The following CFAP74 variants were observed in gnomAD, a reference collection of about 807,000 sequenced individuals.
CFAP74 encodes cilia and flagella associated protein 74.
Under a neutral mutation model 188.9 loss-of-function variants are expected in CFAP74, and 124 were observed. That is an observed-to-expected ratio of 0.66 (90% confidence interval 0.57 to 0.76). The LOEUF (loss-of-function observed/expected upper bound fraction) is 0.76, where lower values mean the gene tolerates loss of function less well. Ranked by LOEUF, CFAP74 falls within the 30% of genes least tolerant of loss-of-function variation. The pLI is 0.00. For missense variants in CFAP74, 2,198 were observed against 2,165.2 expected (o/e 1.02, Z -0.30); for synonymous variants, 956 against 916.7 (o/e 1.04, Z -0.77).
At chr1:1,979,224 C>T (rs577916097) in intron 6 of CFAP74, among the ~76,000 whole-genome samples, 12 of 98,168 alleles carry the variant, frequency 1.2e-4, no homozygotes, top group African/African-American at 3.6e-4. Context: ...CGTCATGTGA[C>T]GAGGCTGCAC....
intron 6 of CFAP74, among the ~76,000 whole-genome samples, chr1:1,979,737 G>A (rs140379285): frequency 3.2e-5 from 3 of 94,672 alleles, no homozygotes; most frequent in Non-Finnish European, 4.8e-5. Flanking sequence ...GTGGGAAGGC[G>A]TCACGTGACG....
chr1:1,927,270 C>T lies in CFAP74; in HGVS notation c.3528-242G>A, dbSNP rs1570818304. Reference sequence around the variant, plus strand: ...TAGGGGTTGGGGCAGGTGCCTTTGGCCCCTGGCTAGAGAGCCATGTTCCTT... The same window carrying T: ...TAGGGGTTGGGGCAGGTGCCTTTGGTCCCTGGCTAGAGAGCCATGTTCCTT... On this transcript the variant is annotated intron_variant, in intron 28 of 38. Transcript: ENST00000682832. 8.4e-6 allele frequency: 5 copies of T among 592,816 alleles called. No homozygotes were observed. In the East Asian group the frequency reaches 1.1e-4, roughly 13 times the overall value. 36.7% of individuals were successfully genotyped at this position (592,816 alleles called of 1,614,324 possible).
At chr1:1,991,990 A>G (rs1177751055) in intron 1 of CFAP74, among the ~76,000 whole-genome samples, 1 of 151,106 alleles carries the variant, frequency 6.6e-6, no homozygotes, top group Non-Finnish European at 1.5e-5. Context: ...CAGTGAGCCG[A>G]GATCGCGCCA....
At chr1:1,952,694 C>T (rs1342659932) in intron 18 of CFAP74, among the ~76,000 whole-genome samples, 8 of 151,832 alleles carry the variant, frequency 5.3e-5, no homozygotes, top group African/African-American at 1.7e-4. Context: ...GGGTCTCTGT[C>T]GCCCAGGCTG....
chr1:1,930,807 C>G (rs921266472), intron 25 of CFAP74, among the ~76,000 whole-genome samples: 1 of 152,162 alleles, frequency 6.6e-6, no homozygotes, highest in South Asian at 2.1e-4. Context: ...TATTTATTGA[C>G]GTTTTAAAAA....
intron 18 of CFAP74, among the ~76,000 whole-genome samples, chr1:1,951,201 G>A (rs1654182111): frequency 6.6e-6 from 1 of 152,164 alleles, no homozygotes; most frequent in South Asian, 2.1e-4. Flanking sequence ...AGAGAGGTGA[G>A]AGCATGTTTA....
intron 21 of CFAP74, among the ~76,000 whole-genome samples, chr1:1,943,321 C>G (rs917153410): frequency 6.6e-6 from 1 of 152,242 alleles, no homozygotes; most frequent in South Asian, 2.1e-4. Flanking sequence ...CGCCAACACA[C>G]GCAGCTGGCT....
intron 14 of CFAP74, 159 bp from the exon 15 acceptor site, chr1:1,960,189 G>C: frequency 3.1e-6 from 2 of 637,404 alleles, no homozygotes; most frequent in Non-Finnish European, 5.4e-6. Flanking sequence ...TGCTGGATCT[G>C]CTGCATTCCC....
At chr1:1,925,655 A>AG (rs1651826622) in intron 33 of CFAP74, 128 bp downstream of exon 33, 1 of 966,304 alleles carries the variant, frequency 1.0e-6, no homozygotes. Flanking sequence ...GGAGGGGTAG[A>AG]GGGGGCCACC....
In CFAP74 at chr1:1,922,291, G is replaced by A. The variant is rs752684870; in HGVS notation, c.4916C>T (p.Pro1639Leu). The A allele has an allele frequency of 1.9e-6, 3 of 1,608,582 alleles. No homozygotes were observed. Among genetic ancestry groups the A allele is most frequent in the Non-Finnish European group, 1.7e-6 (2 of 1,178,276 alleles). The change falls in exon 39 of 39, where the codon CCC (proline) becomes CTC (leucine). Residue 1639 changes from proline to leucine, a missense_variant. Physicochemically the swap from Pro to Leu is moderately conservative, Grantham distance 98. Coordinates refer to ENST00000682832, the MANE Select transcript of CFAP74 (RefSeq NM_001304360.2). Reference protein sequence around the residue: ...VIFVAQVLTGP With the variant: ...VIFVAQVLTGL ...GAGGGTGCTCTGTGCAGAGGCTTAG[G>A]GGCCAGTCAACACCTGGGCTACAAA...
chr1:1,923,685 G>C lies in CFAP74; in HGVS notation c.4389+90C>G. 1 of 1,582,690 alleles carries C rather than the reference G, an allele frequency of 6.3e-7. No individual in the cohort carries two copies. The highest frequency in any genetic ancestry group is 8.7e-7 in the Non-Finnish European group (1 of 1,154,446). On this transcript the variant is annotated intron_variant, in intron 35 of 38. Coordinates refer to ENST00000682832, the MANE Select transcript of CFAP74 (RefSeq NM_001304360.2). The surrounding 1 kb of genome is among the most constrained non-coding windows in gnomAD (Gnocchi z 6.3). The stretch of plus-strand genomic sequence containing the variant: ...AGTCCCCCAGCCATGGTACCCTCAG[G>C]GCCTCCAAAGTGGAGCAGTGCAGCC...
chr1:1,974,423 T>TCTC (rs1656304643), intron 6 of CFAP74, among the ~76,000 whole-genome samples: 1 of 152,152 alleles, frequency 6.6e-6, no homozygotes, highest in Non-Finnish European at 1.5e-5. Flanking sequence ...CCAGCCCGGC[T>TCTC]AGAGCCTGGC....
chr1:2,000,700 G>C (rs1658164246), intron 1 of CFAP74, among the ~76,000 whole-genome samples: 1 of 151,780 alleles, frequency 6.6e-6, no homozygotes, highest in Non-Finnish European at 1.5e-5. Flanking sequence ...TTCTCTCTGT[G>C]TGCATTTGTA....
At chr1:1,943,315 A>C (rs750943849) in intron 21 of CFAP74, among the ~76,000 whole-genome samples, 1 of 152,182 alleles carries the variant, frequency 6.6e-6, no homozygotes, top group Non-Finnish European at 1.5e-5. Flanking sequence ...CAGACACGCC[A>C]ACACACGCAG....
At chr1:1,922,481 C>T (rs1651459642) in intron 38 of CFAP74, 93 bp from the exon 39 acceptor site, 2 of 1,548,874 alleles carry the variant, frequency 1.3e-6, no homozygotes, top group African/African-American at 1.4e-5. Context: ...ACCTGACTCC[C>T]TTGGGTCCTC....
intron 24 of CFAP74, among the ~76,000 whole-genome samples, 170 bp from the exon 25 acceptor site, chr1:1,939,158 G>A (rs776710966): frequency 1.3e-5 from 2 of 152,108 alleles, no homozygotes; most frequent in African/African-American, 4.8e-5. Flanking sequence ...GTGAGTGTGA[G>A]CACATGTGTA....
rs1558065163 is a variant in CFAP74, at chr1:1,990,961, G to GGAGATAGAAATTAGCTGCAAAAGA, written c.-19-10_-6dup. The GGAGATAGAAATTAGCTGCAAAAGA allele has an allele frequency of 1.2e-6, 2 of 1,606,878 alleles. No individual in the cohort carries two copies. Among genetic ancestry groups the GGAGATAGAAATTAGCTGCAAAAGA allele is most frequent in the Non-Finnish European group, 1.7e-6 (2 of 1,177,752 alleles). ...CAGGCTGCCGTCATCCTCCATGCTG[G>GGAGATAGAAATTAGCTGCAAAAGA]GAGATAGAAATTAGCTGCAAAAGAT... On this transcript the variant is annotated 5_prime_UTR_variant, in exon 2 of 39. Coordinates refer to ENST00000682832, the MANE Select transcript of CFAP74 (RefSeq NM_001304360.2).
chr1:1,968,897 G>A lies in CFAP74; in HGVS notation c.1047-64C>T. On this transcript the variant is annotated intron_variant, in intron 10 of 38. Transcript: ENST00000682832. This position sits in a 1 kb window ranked among gnomAD's most constrained non-coding sequence, Gnocchi z 4.3. ...CCTGCCTCCACCTTGCCCCAGATGA[G>A]ACAGTGCCCGGCGGCCCCTCCCTAG... 3 of 1,519,094 alleles carry A rather than the reference G, an allele frequency of 2.0e-6. No individual in the cohort carries two copies. The highest frequency in any genetic ancestry group is 2.7e-6 in the Non-Finnish European group (3 of 1,106,552). The allele number at this position is 1,519,094 out of a possible 1,614,324, so 94.1% of individuals were successfully genotyped here.
chr1:1,958,071 C>T (rs771790129), intron 16 of CFAP74, among the ~76,000 whole-genome samples: 9 of 152,244 alleles, frequency 5.9e-5, no homozygotes, highest in Non-Finnish European at 1.3e-4. Context: ...CTCTCTCTGC[C>T]ACCATCGGTG....
Sources: gnomAD v4.1 joint callset for allele counts (sites outside exome capture counted in the v4.1 genomes callset) on GRCh38, gnomAD v4.1.1 for gene constraint, Gnocchi (gnomAD v3.1) non-coding constraint, MANE v1.5 for transcripts, NCBI Gene and HGNC (gene_info 2026-07-23, HGNC 2026-07-21) for gene names.